Variants in CYP7B1 observed in about 807,000 individuals in gnomAD.
The protein encoded by CYP7B1 is cytochrome P450 family 7 subfamily B member 1.
Under a neutral mutation model 42.7 loss-of-function variants are expected in CYP7B1, and 29 were observed. The observed-to-expected ratio is 0.68, with a 90% CI of 0.51 to 0.93. The LOEUF is 0.93. Ranked by LOEUF, CYP7B1 falls within the 40% of genes least tolerant of loss-of-function variation. CYP7B1 has a pLI of 0.00. For synonymous variants in CYP7B1, 235 were observed against 218.2 expected (o/e 1.08, Z -0.68); for missense variants, 655 against 600.5 (o/e 1.09, Z -0.95).
rs1419322606 is a variant in CYP7B1 at position 64,798,584 on chromosome 8, C to T, written c.4G>A (p.Ala2Thr). Residue 2 changes from alanine (A) to threonine (T), a missense_variant, in exon 1 of 6, where the codon GCA (alanine) becomes ACA (threonine). Coordinates refer to ENST00000310193, the MANE Select transcript of CYP7B1 (RefSeq NM_004820.5). The part of the protein sequence containing the change: M[A>T]GEVSAATGRF... ...CCCGTGGCCGCGGACACTTCTCCTG[C>T]CATCCGGCGCGCGCTAGGCCGCGGT... is the stretch of plus-strand genomic sequence containing the variant. 2.7e-6 allele frequency: 4 copies of T among 1,466,532 alleles called. No homozygotes were observed. Among genetic ancestry groups the T allele is most frequent in the Non-Finnish European group, 1.8e-6 (2 of 1,118,812 alleles). The allele number at this position is 1,466,532 out of a possible 1,614,324, so 90.8% of individuals were successfully genotyped here.
chr8:64,764,229 G>GCACCC (rs1554539986), intron 1 of CYP7B1, among the ~76,000 whole-genome samples: 2 of 125,150 alleles, frequency 1.6e-5, no homozygotes, highest in Non-Finnish European at 3.3e-5. Flanking sequence ...CTTCCACGCT[G>GCACCC]CCCCCCCCAC....
intron 1 of CYP7B1, among the ~76,000 whole-genome samples, chr8:64,726,710 C>T (rs184457010): frequency 6.6e-6 from 1 of 152,254 alleles, no homozygotes; most frequent in African/African-American, 2.4e-5. Flanking sequence ...ATAACCATCA[C>T]TATTATTTGG....
chr8:64,697,668 T>C (rs1806849818), intron 1 of CYP7B1, among the ~76,000 whole-genome samples: 1 of 152,188 alleles, frequency 6.6e-6, no homozygotes, highest in African/African-American at 2.4e-5. Context: ...AACAGGCTGT[T>C]GGGCTTCGTT....
At chr8:64,785,636 T>C (rs1425417141) in intron 1 of CYP7B1, among the ~76,000 whole-genome samples, 1 of 151,770 alleles carries the variant, frequency 6.6e-6, no homozygotes, top group Non-Finnish European at 1.5e-5. Flanking sequence ...TCCAACCATA[T>C]GACATTTTAA....
chr8:64,618,336 C>T (rs1234300648), intron 2 of CYP7B1, among the ~76,000 whole-genome samples: 1 of 151,756 alleles, frequency 6.6e-6, no homozygotes, highest in East Asian at 1.9e-4. Context: ...TTAAATTATT[C>T]CCTAATATTA....
chr8:64,668,413 A>ATT (rs149240078), intron 1 of CYP7B1, among the ~76,000 whole-genome samples: 2 of 151,088 alleles, frequency 1.3e-5, no homozygotes, highest in Non-Finnish European at 3.0e-5. Flanking sequence ...CTCATATTTT[A>ATT]TTTTTTTTTA....
chr8:64,692,109 C>T (rs1806755050), intron 1 of CYP7B1, among the ~76,000 whole-genome samples: 1 of 152,070 alleles, frequency 6.6e-6, no homozygotes, highest in Non-Finnish European at 1.5e-5. Flanking sequence ...AGGTACCTAC[C>T]CCAAAGAGCC....
intron 1 of CYP7B1, among the ~76,000 whole-genome samples, chr8:64,699,018 C>T (rs1448209258): frequency 6.6e-6 from 1 of 152,120 alleles, no homozygotes; most frequent in Non-Finnish European, 1.5e-5. Flanking sequence ...TACAATGCTG[C>T]AACACAGTAC....
At chr8:64,733,276 T>C (rs1807440681) in intron 1 of CYP7B1, among the ~76,000 whole-genome samples, 1 of 152,140 alleles carries the variant, frequency 6.6e-6, no homozygotes, top group Non-Finnish European at 1.5e-5. Context: ...TATTGAAGGA[T>C]GAACAATGAT....
chr8:64,702,096 T>G (rs1166064244), intron 1 of CYP7B1, among the ~76,000 whole-genome samples: 1 of 152,030 alleles, frequency 6.6e-6, no homozygotes, highest in African/African-American at 2.4e-5. Flanking sequence ...ATAATATTTT[T>G]TATGGGAAGG....
chr8:64,699,439 C>T (rs1194676512), intron 1 of CYP7B1, among the ~76,000 whole-genome samples: 2 of 152,006 alleles, frequency 1.3e-5, no homozygotes, highest in African/African-American at 4.8e-5. Flanking sequence ...CAAAAATACA[C>T]TTTAGATCAT....
intron 1 of CYP7B1, among the ~76,000 whole-genome samples, chr8:64,698,264 G>C (rs1217642778): frequency 6.6e-6 from 1 of 152,110 alleles, no homozygotes; most frequent in Non-Finnish European, 1.5e-5. Flanking sequence ...AGTGACCTTT[G>C]GTCTGCAGAT....
chr8:64,778,608 A>G lies in CYP7B1; in HGVS notation c.122+19858T>C, dbSNP rs144383935. Among the ~76,000 whole-genome samples the G allele has an allele frequency of 6.3e-3, 959 of 152,228 alleles. 45 individuals carry two copies. The highest frequency in any genetic ancestry group is 0.056 in the Admixed American group (859 of 15,282). On this transcript the variant is annotated intron_variant, in intron 1 of 5. Coordinates refer to ENST00000310193, the MANE Select transcript of CYP7B1 (RefSeq NM_004820.5). Reference sequence around the variant, plus strand: ...TTAGGAAGGATTGTTAAGATGAGAAACACACTAAACTGTCTATAATTAATT... The same window carrying G: ...TTAGGAAGGATTGTTAAGATGAGAAGCACACTAAACTGTCTATAATTAATT...
chr8:64,735,363 A>C (rs925171054), intron 1 of CYP7B1, among the ~76,000 whole-genome samples: 1 of 152,172 alleles, frequency 6.6e-6, no homozygotes, highest in African/African-American at 2.4e-5. Flanking sequence ...TATATCTATA[A>C]AGGAAATCTC....
intron 1 of CYP7B1, among the ~76,000 whole-genome samples, chr8:64,761,542 T>C (rs1807891217): frequency 6.6e-6 from 1 of 152,118 alleles, no homozygotes; most frequent in African/African-American, 2.4e-5. Context: ...AAGGGATTAA[T>C]AATATTTTTA....
intron 1 of CYP7B1, among the ~76,000 whole-genome samples, chr8:64,645,533 C>T (rs540973866): frequency 6.3e-4 from 95 of 151,950 alleles, no homozygotes; most frequent in Non-Finnish European, 1.2e-3. Flanking sequence ...AACCAGTGCT[C>T]AAGGAAATAA....
chr8:64,588,256 C>A (rs1386644420), downstream of CYP7B1, among the ~76,000 whole-genome samples: 1 of 152,084 alleles, frequency 6.6e-6, no homozygotes, highest in Admixed American at 6.6e-5. Flanking sequence ...CTAATGTGGA[C>A]CAAACCGAAA....
rs148344458 is a variant in CYP7B1, at chr8:64,794,862, G to A, written c.122+3604C>T. ...AATAATTAGCCAGAAATGTATCTGC[G>A]TGCTAAAACAAAAATCAACACTTCA... On this transcript the variant is annotated intron_variant, in intron 1 of 5. Coordinates refer to ENST00000310193, the MANE Select transcript of CYP7B1 (RefSeq NM_004820.5). Among the ~76,000 whole-genome samples, 503 of 152,162 alleles carry A rather than the reference G, an allele frequency of 3.3e-3. 6 individuals carry two copies. Among genetic ancestry groups the A allele is most frequent in the Middle Eastern group, 3.4e-3 (1 of 292 alleles).
chr8:64,767,234 A>G (rs1585903487), intron 1 of CYP7B1, among the ~76,000 whole-genome samples: 1 of 152,218 alleles, frequency 6.6e-6, no homozygotes, highest in Admixed American at 6.5e-5. Flanking sequence ...CCGAGGGAAC[A>G]CCTGTCAAAC....
Sources: allele counts gnomAD v4.1 joint callset (sites outside exome capture counted in the v4.1 genomes callset), GRCh38; gene constraint gnomAD v4.1.1; transcripts MANE v1.5; gene names NCBI Gene and HGNC (gene_info 2026-07-23, HGNC 2026-07-21).